IL34: variants seen among roughly 807,000 people sequenced by gnomAD.
IL34 encodes interleukin-34.
Under a neutral mutation model 25.3 loss-of-function variants are expected in IL34, and 17 were observed. The ratio of observed to expected loss-of-function variants is 0.67; its 90% CI spans 0.46 to 1.01. The LOEUF (loss-of-function observed/expected upper bound fraction) is 1.01. IL34 is among the 50% of genes least tolerant of loss of function. The probability of loss-of-function intolerance (pLI) is 0.00; values close to 1 mark genes in which losing one functional copy is unlikely to be tolerated. For synonymous variants in IL34, 174 were observed against 140.9 expected, an observed-to-expected ratio of 1.23 and a Z score of -1.66; for missense variants, 368 against 312.9, an observed-to-expected ratio of 1.18 and a Z score of -1.33.
intron 1 of IL34, among the ~76,000 whole-genome samples, chr16:70,626,585 G>A (rs1008311560): frequency 3.3e-5 from 5 of 152,062 alleles, no homozygotes; most frequent in African/African-American, 1.2e-4. Flanking sequence ...TAGTGGAGAT[G>A]GGGTTTCACC....
Position 70,606,181 on chromosome 16 carries a change from G to A in IL34, c.-401+26132G>A, listed in dbSNP as rs544043454. The stretch of plus-strand genomic sequence containing the variant: ...GGAGGCCAAGACAGATGGATTGCCT[G>A]AGCTTGGGAGTTCGAGACCAGCCTG... On this transcript the variant is annotated intron_variant, in intron 1 of 6. Transcript: ENST00000429149. Among the ~76,000 whole-genome samples the A allele has an allele frequency of 2.8e-3, 419 of 152,046 alleles. 1 individual carries two copies. Among genetic ancestry groups the A allele is most frequent in the Non-Finnish European group, 4.4e-3 (302 of 67,964 alleles).
chr16:70,632,977 AT>A (rs34252759), intron 1 of IL34, among the ~76,000 whole-genome samples: 2 of 151,228 alleles, frequency 1.3e-5, no homozygotes, highest in East Asian at 1.9e-4. Flanking sequence ...ATCAGGACAT[AT>A]TTTTTTTTGA....
chr16:70,581,563 A>G (rs1012735586), intron 1 of IL34, among the ~76,000 whole-genome samples: 1 of 152,070 alleles, frequency 6.6e-6, no homozygotes, highest in Non-Finnish European at 1.5e-5. Context: ...TTACGGGACT[A>G]ATTTACTAAT....
At chr16:70,624,835 G>A (rs191350843) in intron 1 of IL34, among the ~76,000 whole-genome samples, 96 of 152,022 alleles carry the variant, frequency 6.3e-4, no homozygotes, top group Middle Eastern at 3.4e-3. Context: ...CTGGAGAGGA[G>A]GGGAGAGGTC....
Position 70,630,068 on chromosome 16 carries a change from A to T in IL34, c.-400-16480A>T, listed in dbSNP as rs567917372. Among the ~76,000 whole-genome samples, 15 of 152,158 alleles carry T rather than the reference A, an allele frequency of 9.9e-5. No homozygotes were observed. In the East Asian group the frequency reaches 2.9e-3, roughly 29 times the overall value. ...CTCTCTATCTCCATGAGTTTGTTTT[A>T]ATTTTTAGCACCCACATACAAGTGA... On this transcript the variant is annotated intron_variant, in intron 1 of 6. Transcript: ENST00000429149.
intron 1 of IL34, among the ~76,000 whole-genome samples, chr16:70,629,438 G>C (rs1331111456): frequency 4.6e-5 from 7 of 151,946 alleles, no homozygotes; most frequent in Admixed American, 4.6e-4. Context: ...TTGTATACTT[G>C]CGGAACCGGT....
At chr16:70,616,007 G>C (rs922077636) in intron 1 of IL34, among the ~76,000 whole-genome samples, 2 of 152,120 alleles carry the variant, frequency 1.3e-5, no homozygotes, top group African/African-American at 4.8e-5. Flanking sequence ...ATAGATAAAA[G>C]CTTTGCCACC....
chr16:70,653,194 CAG>C (rs770062857), intron 1 of IL34, among the ~76,000 whole-genome samples: 181 of 151,900 alleles, frequency 1.2e-3, no homozygotes, highest in Middle Eastern at 0.01. Context: ...GCCTGGGTGA[CAG>C]AGAAAGATTC....
intron 1 of IL34, among the ~76,000 whole-genome samples, chr16:70,621,173 G>A (rs780939959): frequency 2.0e-5 from 3 of 152,204 alleles, no homozygotes; most frequent in Middle Eastern, 3.4e-3. Flanking sequence ...AGGACTTGCC[G>A]CTAAGGTTGA....
At chr16:70,581,769 T>C (rs2050637998) in intron 1 of IL34, among the ~76,000 whole-genome samples, 1 of 152,120 alleles carries the variant, frequency 6.6e-6, no homozygotes, top group Admixed American at 6.6e-5. Flanking sequence ...AGTTAGTTCA[T>C]GTGTAAAATA....
intron 1 of IL34, among the ~76,000 whole-genome samples, chr16:70,629,979 AC>A (rs1181281528): frequency 1.3e-5 from 2 of 152,218 alleles, no homozygotes; most frequent in African/African-American, 4.8e-5. Flanking sequence ...GTACCAACCA[AC>A]CATCATTTCC....
chr16:70,630,476 C>T (rs1053252508), intron 1 of IL34, among the ~76,000 whole-genome samples: 1 of 151,898 alleles, frequency 6.6e-6, no homozygotes, highest in African/African-American at 2.4e-5. Context: ...AGGTGATCTG[C>T]CAGCGTCGGC....
Position 70,660,603 on chromosome 16 carries a change from G to T in IL34, c.*416G>T. ...GCAGACTGGGGAGCTGGGGGCAGAGGGCGGTGCCAAGTGCCACATCTTGCC... is the reference window on the plus strand; with the variant it reads ...GCAGACTGGGGAGCTGGGGGCAGAGTGCGGTGCCAAGTGCCACATCTTGCC... On this transcript the variant is annotated 3_prime_UTR_variant, in exon 6 of 6. Coordinates refer to ENST00000288098, the MANE Select transcript of IL34 (RefSeq NM_001393494.1). 1 of 175,138 alleles carries T rather than the reference G, an allele frequency of 5.7e-6. No individual in the cohort carries two copies. 10.8% of individuals were successfully genotyped at this position (175,138 alleles called of 1,614,324 possible). A position where few individuals can be genotyped will look rare whatever the true frequency, so the allele number is the denominator to read the frequency against.
chr16:70,649,352 G>A (rs1279055611), intron 1 of IL34, among the ~76,000 whole-genome samples: 2 of 152,190 alleles, frequency 1.3e-5, no homozygotes, highest in Non-Finnish European at 2.9e-5. Context: ...CTAGGGAAGG[G>A]GTAGTAACTT....
chr16:70,620,558 C>T (rs927138602), intron 1 of IL34, among the ~76,000 whole-genome samples: 1 of 152,048 alleles, frequency 6.6e-6, no homozygotes, highest in Admixed American at 6.6e-5. Flanking sequence ...ATTAGAAAGA[C>T]TCAGCGACAC....
At chr16:70,647,040 G>A (rs750754050) in intron 1 of IL34, 65 bp downstream of exon 1, 56 of 1,331,750 alleles carry the variant, frequency 4.2e-5, no homozygotes, top group Admixed American at 1.2e-4. Flanking sequence ...AGGATCTGCC[G>A]TAACCATAGC....
chr16:70,658,189 C>G (rs531209824), intron 4 of IL34, among the ~76,000 whole-genome samples: 1 of 152,188 alleles, frequency 6.6e-6, no homozygotes, highest in Non-Finnish European at 1.5e-5. Flanking sequence ...GAGCTTCCGA[C>G]GGTGAAAGGG....
At chr16:70,628,873 G>C (rs140480986) in intron 1 of IL34, among the ~76,000 whole-genome samples, 1 of 147,138 alleles carries the variant, frequency 6.8e-6, no homozygotes, top group Non-Finnish European at 1.5e-5. Flanking sequence ...CTATAGCTTC[G>C]AACTCCTGGG....
At chr16:70,595,204 G>T (rs566757952) in intron 1 of IL34, among the ~76,000 whole-genome samples, 4 of 151,684 alleles carry the variant, frequency 2.6e-5, no homozygotes, top group Non-Finnish European at 5.9e-5. Context: ...CAGGTGATCC[G>T]CCCACCTCGG....
Sources: allele counts gnomAD v4.1 joint callset (sites outside exome capture counted in the v4.1 genomes callset), GRCh38; gene constraint gnomAD v4.1.1; transcripts MANE v1.5; gene names NCBI Gene and HGNC (gene_info 2026-07-23, HGNC 2026-07-21).